NRK: variants seen among roughly 807,000 people sequenced by gnomAD.
NRK encodes the protein nik-related protein kinase.
A neutral mutation model predicts 125.2 loss-of-function variants in NRK; 67 were observed. That is an observed-to-expected ratio of 0.54 (90% CI 0.44 to 0.66). NRK has a LOEUF of 0.66. NRK is among the 30% of genes least tolerant of loss of function. The pLI, the probability that NRK is intolerant of heterozygous loss-of-function variation, is 0.00. For missense variants in NRK, 1,224 were observed against 1,192.9 expected, an observed-to-expected ratio of 1.03 and a Z score of -0.38; for synonymous variants, 458 against 429.0, an observed-to-expected ratio of 1.07 and a Z score of -0.84.
intron 1 of NRK, among the ~76,000 whole-genome samples, chrX:105,827,334 T>C (rs2039128693): frequency 8.9e-6 from 1 of 112,266 alleles, no homozygotes; most frequent in African/African-American, 3.2e-5. Context: ...TTTTGCAGCC[T>C]GACTGCTGGA....
At chrX:105,900,725 A>G in intron 9 of NRK, 53 bp downstream of exon 9, 5 of 706,643 alleles carry the variant, frequency 7.1e-6, no homozygotes, top group Non-Finnish European at 1.1e-5. Context: ...GTACTGTACA[A>G]ATCATACAAA....
chrX:105,872,220 A>G (rs1275690429), intron 2 of NRK, among the ~76,000 whole-genome samples: 1 of 111,419 alleles, frequency 9.0e-6, no homozygotes, highest in African/African-American at 3.3e-5. Context: ...TTTGGCAGCT[A>G]AATGACTGTC....
intron 1 of NRK, among the ~76,000 whole-genome samples, chrX:105,828,306 G>A (rs1214382906): frequency 1.8e-5 from 2 of 111,883 alleles, no homozygotes; most frequent in African/African-American, 3.2e-5. Context: ...TTGGTCATTC[G>A]AGAGCAGAAA....
At chrX:105,873,924 A>G (rs2039781070) in intron 2 of NRK, among the ~76,000 whole-genome samples, 1 of 112,385 alleles carries the variant, frequency 8.9e-6, no homozygotes, top group African/African-American at 3.2e-5. Context: ...TAAAATAAAT[A>G]TATTACTAGA....
At chrX:105,831,485 G>T (rs2039191895) in intron 2 of NRK, among the ~76,000 whole-genome samples, 1 of 112,008 alleles carries the variant, frequency 8.9e-6, no homozygotes, top group South Asian at 3.7e-4. Flanking sequence ...GTTATTAAAA[G>T]GAATGTTTTC....
At chrX:105,925,236 T>C (rs1475770201) in intron 19 of NRK, among the ~76,000 whole-genome samples, 3 of 111,487 alleles carry the variant, frequency 2.7e-5, no homozygotes, top group Non-Finnish European at 3.8e-5. Context: ...AAAAATCTCT[T>C]ATTTGTTTGC....
chrX:105,878,962 G>A (rs886158371), intron 2 of NRK, among the ~76,000 whole-genome samples: 28 of 111,248 alleles, frequency 2.5e-4, no homozygotes, highest in African/African-American at 8.5e-4. Flanking sequence ...CTGAGTTGAG[G>A]TGTCTGTTGG....
At chrX:105,900,149 A>C in intron 8 of NRK, among the ~76,000 whole-genome samples, 1 of 80,584 alleles carries the variant, frequency 1.2e-5, no homozygotes, top group East Asian at 4.0e-4. Context: ...GAACTGCTGA[A>C]GTACACACAC....
intron 26 of NRK, among the ~76,000 whole-genome samples, chrX:105,946,816 A>C (rs752602294): frequency 5.3e-4 from 59 of 111,901 alleles, no homozygotes; most frequent in African/African-American, 1.7e-3. Context: ...ATCAATTGGA[A>C]TGTATTCATT....
chrX:105,949,624 T>C lies in NRK; in HGVS notation c.4403T>C (p.Leu1468Ser), dbSNP rs760011195. 4 of 1,198,048 alleles carry C rather than the reference T, an allele frequency of 3.3e-6. No individual in the cohort carries two copies. The highest frequency in any genetic ancestry group is 4.5e-6 in the Non-Finnish European group (4 of 883,573). Residue 1468 changes from leucine (L) to serine (S), a missense_variant, in exon 27 of 29, where the codon TTG (leucine) becomes TCG (serine). Transcript: ENST00000243300. The stretch of plus-strand genomic sequence containing the variant: ...AATATCATCATTTTACCTGATTGCT[T>C]GGGAATTGGCATGATGCTCACCTTC... Reference protein sequence around the residue: ...PQNIIILPDCLGIGMMLTFNA... With the variant: ...PQNIIILPDCSGIGMMLTFNA...
In NRK at chrX:105,826,300, T is replaced by TA. The variant is rs2078674387; in HGVS notation, c.57+3399dup. Among the ~76,000 whole-genome samples the TA allele has an allele frequency of 5.8e-5, 5 of 86,782 alleles. No homozygotes were observed. The East Asian group carries it at 9.8e-4, about 17-fold the overall frequency. 75.4% of individuals were successfully genotyped at this position (86,782 alleles called of 115,157 possible). A position where few individuals can be genotyped will look rare whatever the true frequency, so the allele number is the denominator to read the frequency against. ...TATATGAAATATATATTATCATATA[T>TA]ATAATAGATAATATATATTTCATAT... On this transcript the variant is annotated intron_variant, in intron 1 of 28. Coordinates refer to ENST00000243300, the MANE Select transcript of NRK (RefSeq NM_198465.4).
intron 19 of NRK, among the ~76,000 whole-genome samples, chrX:105,931,755 G>T (rs2040597895): frequency 9.0e-6 from 1 of 111,056 alleles, no homozygotes; most frequent in African/African-American, 3.3e-5. Context: ...TTTGTGAGGG[G>T]GACAAGCACC....
intron 8 of NRK, among the ~76,000 whole-genome samples, chrX:105,899,348 A>G (rs1352728123): frequency 2.7e-5 from 3 of 111,595 alleles, no homozygotes; most frequent in Non-Finnish European, 5.6e-5. Flanking sequence ...AACCTCACTC[A>G]CTCTCCACAT....
chrX:105,933,525 A>G (rs2040623624), intron 19 of NRK, among the ~76,000 whole-genome samples: 1 of 112,114 alleles, frequency 8.9e-6, no homozygotes, highest in Non-Finnish European at 1.9e-5. Flanking sequence ...GGCATACCAC[A>G]TAAATTGTCA....
rs752967007 is a variant in NRK at position 105,831,048 on chromosome X, T to C, written c.58-6T>C. Reference sequence around the variant, plus strand: ...GATTAACAATTTTTATTTTACTTTTTTGCAGGATCCAACTGGAATATTCTC... The same window carrying C: ...GATTAACAATTTTTATTTTACTTTTCTGCAGGATCCAACTGGAATATTCTC... On this transcript the variant is annotated splice_region_variant and splice_polypyrimidine_tract_variant and intron_variant, in intron 1 of 28. Transcript: ENST00000243300. 3.3e-5 allele frequency: 37 copies of C among 1,120,384 alleles called. No individual in the cohort carries two copies. Among genetic ancestry groups the C allele is most frequent in the Non-Finnish European group, 4.1e-5 (34 of 819,440 alleles). 92.3% of individuals were successfully genotyped at this position (1,120,384 alleles called of 1,213,427 possible).
At chrX:105,948,886 T>C (rs186835206) in intron 26 of NRK, 16 of 324,664 alleles carry the variant, frequency 4.9e-5, no homozygotes, top group African/African-American at 3.0e-4. Flanking sequence ...AAGAAAACTT[T>C]ATTGCATTGT....
Position 105,898,698 on chromosome X carries a change from G to A in NRK, c.695G>A (p.Arg232His), listed in dbSNP as rs771168827. ...EVIDCDEDPR[R>H]SYDYRSDVWS... ...ATTGACTGTGATGAGGACCCAAGAC[G>A]CTCCTATGATTACAGAGTGAGTGTG... The change falls in exon 8 of 29, where the codon CGC becomes CAC. Residue 232 changes from arginine (R) to histidine (H), a missense_variant. Coordinates refer to ENST00000243300, the MANE Select transcript of NRK (RefSeq NM_198465.4). The A allele has an allele frequency of 5.0e-6, 6 of 1,188,400 alleles. No homozygotes were observed. Among genetic ancestry groups the A allele is most frequent in the East Asian group, 6.1e-5 (2 of 32,810 alleles).
intron 2 of NRK, among the ~76,000 whole-genome samples, chrX:105,844,019 CTGTGTGTG>C (rs1178483710): frequency 1.4e-4 from 9 of 63,235 alleles, no homozygotes; most frequent in African/African-American, 4.2e-4. Context: ...GTGTGTGTGT[CTGTGTGTG>C]TGTGTGTGTG....
At chrX:105,949,209 A>G (rs752941617) in intron 26 of NRK, among the ~76,000 whole-genome samples, 2 of 112,117 alleles carry the variant, frequency 1.8e-5, no homozygotes, top group East Asian at 5.6e-4. Flanking sequence ...ATTAATTACT[A>G]AAGTATTTAT....
Sources: allele counts gnomAD v4.1 joint callset (sites outside exome capture counted in the v4.1 genomes callset), GRCh38; gene constraint gnomAD v4.1.1; transcripts MANE v1.5; gene names NCBI Gene and HGNC (gene_info 2026-07-23, HGNC 2026-07-21).